The following DIPK1A variants were observed in gnomAD, a reference collection of about 807,000 sequenced individuals.
DIPK1A encodes family with sequence similarity 69 member A.
Under a neutral mutation model 40.8 loss-of-function variants are expected in DIPK1A, and 27 were observed. That is an observed-to-expected ratio of 0.66 (90% CI 0.49 to 0.91). DIPK1A has a LOEUF of 0.91. DIPK1A is among the 40% of genes least tolerant of loss of function. The pLI is 0.00. For missense variants in DIPK1A, 412 were observed against 505.7 expected, an observed-to-expected ratio of 0.81 and a Z score of 1.78; for synonymous variants, 166 against 171.3, an observed-to-expected ratio of 0.97 and a Z score of 0.24.
At chr1:92,934,807 A>G (rs1204689347) in intron 1 of DIPK1A, among the ~76,000 whole-genome samples, 1 of 152,192 alleles carries the variant, frequency 6.6e-6, no homozygotes, top group Non-Finnish European at 1.5e-5. Flanking sequence ...AGATTTGCCA[A>G]GAGAGTTCCT....
chr1:92,915,289 C>T (rs1650009809), intron 1 of DIPK1A, among the ~76,000 whole-genome samples: 1 of 151,990 alleles, frequency 6.6e-6, no homozygotes, highest in Non-Finnish European at 1.5e-5. Context: ...AATGGCATGC[C>T]CTAAACATGT....
chr1:92,841,922 C>A, downstream of DIPK1A: 1 of 1,331,904 alleles, frequency 7.5e-7, no homozygotes, highest in Non-Finnish European at 1.1e-6. Flanking sequence ...TGAACAGCAA[C>A]TATTTCTGTG....
At chr1:92,958,393 A>G (rs1301519694) in intron 1 of DIPK1A, among the ~76,000 whole-genome samples, 2 of 152,230 alleles carry the variant, frequency 1.3e-5, no homozygotes, top group Admixed American at 1.3e-4. Flanking sequence ...ACCTCAGGAC[A>G]TAACTGGTCT....
chr1:92,834,827 G>A, intron 4 of DIPK1A: 1 of 1,611,942 alleles, frequency 6.2e-7, no homozygotes, highest in Non-Finnish European at 8.5e-7. Flanking sequence ...CGCAGCGTAT[G>A]CACACGAACT....
At chr1:92,917,721 T>C (rs1225639454) in intron 1 of DIPK1A, among the ~76,000 whole-genome samples, 2 of 152,104 alleles carry the variant, frequency 1.3e-5, no homozygotes, top group East Asian at 1.9e-4. Flanking sequence ...ACTAGCTCAA[T>C]AGAAGAATAC....
chr1:92,874,881 A>T (rs959078260), intron 2 of DIPK1A, among the ~76,000 whole-genome samples: 3 of 152,168 alleles, frequency 2.0e-5, no homozygotes, highest in African/African-American at 7.2e-5. Flanking sequence ...TATTATGCTA[A>T]GGATTAATGA....
intron 4 of DIPK1A, chr1:92,836,708 ACTTT>A (rs1687145621): frequency 1.4e-5 from 4 of 287,096 alleles, no homozygotes; most frequent in South Asian, 4.3e-5. Context: ...TTCCCCATGC[ACTTT>A]CTTTTTTCAA....
chr1:92,849,937 C>A (rs1042354964), intron 3 of DIPK1A, among the ~76,000 whole-genome samples: 1 of 151,862 alleles, frequency 6.6e-6, no homozygotes, highest in Non-Finnish European at 1.5e-5. Context: ...ATTACAGGCC[C>A]GTGCCACGGG....
At chr1:92,955,627 G>C (rs1176017231) in intron 1 of DIPK1A, among the ~76,000 whole-genome samples, 1 of 151,136 alleles carries the variant, frequency 6.6e-6, no homozygotes, top group Non-Finnish European at 1.5e-5. Flanking sequence ...GAACCTGGGA[G>C]GCAAAGCTTG....
At chr1:92,943,951 G>A (rs1651269138) in intron 1 of DIPK1A, among the ~76,000 whole-genome samples, 1 of 152,038 alleles carries the variant, frequency 6.6e-6, no homozygotes, top group Non-Finnish European at 1.5e-5. Flanking sequence ...AAGGAATGAA[G>A]ACAATTACAG....
chr1:92,859,410 C>G (rs1347449834), intron 2 of DIPK1A, among the ~76,000 whole-genome samples: 2 of 152,072 alleles, frequency 1.3e-5, no homozygotes, highest in Non-Finnish European at 2.9e-5. Context: ...TCTCTCCCCC[C>G]TGCCCGCAAC....
At position 92,876,441 on chromosome 1, in the gene DIPK1A, A is replaced by G. The variant is rs1312986468; in HGVS notation, c.55-11T>C. ...ATATGAGAAGCGAGCCTGTGAGTAAAAAAGAACATAACGATCATTCATTCA... is the reference window on the plus strand; with the variant it reads ...ATATGAGAAGCGAGCCTGTGAGTAAGAAAGAACATAACGATCATTCATTCA... On this transcript the variant is annotated splice_polypyrimidine_tract_variant and intron_variant, in intron 1 of 4. Transcript: ENST00000370310. The G allele has an allele frequency of 2.5e-6, 4 of 1,611,166 alleles. No homozygotes were observed. The highest frequency in any genetic ancestry group is 1.7e-4 in the Middle Eastern group (1 of 6,038).
rs145893211 is a variant in DIPK1A, at chr1:92,855,729, A to T, written c.190-4774T>A. On this transcript the variant is annotated intron_variant, in intron 2 of 4. Transcript: ENST00000370310. ...AAAAAAAGAAAACCCAACAATAATGAAAATAAACTCTCAAAATAAGTAGGA... is the reference window on the plus strand; with the variant it reads ...AAAAAAAGAAAACCCAACAATAATGTAAATAAACTCTCAAAATAAGTAGGA... 2.3e-3 allele frequency among the ~76,000 whole-genome samples: 350 copies of T among 151,954 alleles called. 6 individuals are homozygous for T. The highest frequency in any genetic ancestry group is 7.8e-3 in the African/African-American group (324 of 41,462).
chr1:92,914,177 C>T (rs1649951033), intron 1 of DIPK1A, among the ~76,000 whole-genome samples: 1 of 150,430 alleles, frequency 6.6e-6, no homozygotes, highest in South Asian at 2.1e-4. Flanking sequence ...TAAAACAGTG[C>T]CTGACACATA....
At chr1:92,960,950 G>C (rs1403189998) in intron 1 of DIPK1A, among the ~76,000 whole-genome samples, 1 of 152,222 alleles carries the variant, frequency 6.6e-6, no homozygotes, top group Non-Finnish European at 1.5e-5. Flanking sequence ...CTGAGTCAAG[G>C]GCAACCGACC....
chr1:92,904,050 C>G (rs796396002), intron 1 of DIPK1A, among the ~76,000 whole-genome samples: 7 of 152,158 alleles, frequency 4.6e-5, no homozygotes, highest in Non-Finnish European at 4.4e-5. Context: ...ATTTCTCAGA[C>G]AGGTGTTAAT....
At chr1:92,853,406 A>G (rs951965176) in intron 2 of DIPK1A, among the ~76,000 whole-genome samples, 1 of 152,218 alleles carries the variant, frequency 6.6e-6, no homozygotes, top group African/African-American at 2.4e-5. Context: ...TCCTTTGAGC[A>G]TCCAGGCAAA....
chr1:92,851,106 T>C (rs1380734125), intron 2 of DIPK1A, among the ~76,000 whole-genome samples, 151 bp from the exon 3 acceptor site: 1 of 152,226 alleles, frequency 6.6e-6, no homozygotes, highest in African/African-American at 2.4e-5. Flanking sequence ...TAAGCTCTGT[T>C]ACTTATACCT....
chr1:92,844,545 TTGTAC>T (rs1225897927), intron 4 of DIPK1A, among the ~76,000 whole-genome samples: 2 of 152,184 alleles, frequency 1.3e-5, no homozygotes, highest in African/African-American at 4.8e-5. Context: ...ACTTGAAAAA[TTGTAC>T]TGTAATGTAC....
Sources: gnomAD v4.1 joint callset for allele counts (sites outside exome capture counted in the v4.1 genomes callset) on GRCh38, gnomAD v4.1.1 for gene constraint, MANE v1.5 for transcripts, NCBI Gene and HGNC (gene_info 2026-07-23, HGNC 2026-07-21) for gene names.